The following PARD3 variants were observed in gnomAD, a reference collection of about 807,000 sequenced individuals.
PARD3 encodes the protein par-3 family cell polarity regulator.
PARD3 carries 75 observed loss-of-function variants against 155.4 expected under a neutral mutation model. The ratio of observed to expected loss-of-function variants is 0.48; its 90% CI spans 0.40 to 0.58. The LOEUF (loss-of-function observed/expected upper bound fraction) is 0.58. Among genes scored for constraint, PARD3 ranks in the 20% least tolerant of loss-of-function variants. The pLI is 0.00. For synonymous variants in PARD3, 576 were observed against 610.5 expected, an observed-to-expected ratio of 0.94 and a Z score of 0.83; for missense variants, 1,642 against 1,721.7, an observed-to-expected ratio of 0.95 and a Z score of 0.82.
At chr10:34,250,549 T>C (rs1408053547) in intron 22 of PARD3, among the ~76,000 whole-genome samples, 5 of 151,958 alleles carry the variant, frequency 3.3e-5, no homozygotes, top group African/African-American at 1.2e-4. Context: ...TTTTAGGAGA[T>C]ATGTATGTAG....
In PARD3 at chr10:34,317,206, T is replaced by C. The variant is rs1958062710; in HGVS notation, c.2966A>G (p.Lys989Arg). 1 of 1,613,504 alleles carries C rather than the reference T, an allele frequency of 6.2e-7. No homozygotes were observed. The highest frequency in any genetic ancestry group is 1.1e-5 in the South Asian group (1 of 91,002). Residue 989 changes from lysine (K) to arginine (R), a missense_variant, in exon 20 of 25, where the codon AAG becomes AGG. By Grantham distance (26) the Lys-to-Arg change is conservative. This residue lies in a region of PARD3 where 1,529 missense variants were observed against 1,587.3 expected (regional missense o/e 0.96). Coordinates refer to ENST00000374788, the MANE Select transcript of PARD3 (RefSeq NM_001184785.2). ...QEKGDKTDRK[K>R]DKTGKEKKKD... is the part of the protein sequence containing the mutation. ...CTTCTTTTCTTTTCCAGTTTTATCCTTTTTTCTATCAGTCTTATCACCTTT... is the reference window on the plus strand; with the variant it reads ...CTTCTTTTCTTTTCCAGTTTTATCCCTTTTTCTATCAGTCTTATCACCTTT...
intron 2 of PARD3, among the ~76,000 whole-genome samples, chr10:34,571,594 T>G (rs975298697): frequency 2.6e-5 from 4 of 152,252 alleles, no homozygotes; most frequent in African/African-American, 9.6e-5. Flanking sequence ...CTAGCAATAA[T>G]TCTAAATGTA....
chr10:34,491,027 C>G (rs1174645184), intron 3 of PARD3, among the ~76,000 whole-genome samples: 1 of 152,136 alleles, frequency 6.6e-6, no homozygotes, highest in Non-Finnish European at 1.5e-5. Flanking sequence ...CCCTAAGGGA[C>G]CTCATGAAAA....
At position 34,567,520 on chromosome 10, in the gene PARD3, C is replaced by A. The variant is rs990074959; in HGVS notation, c.223-50361G>T. ...AAGTTGAGTCCTTTGGCGGCATTTTCTTTTTACACAGGTTTGACTTAGCAT... is the reference window on the plus strand; with the variant it reads ...AAGTTGAGTCCTTTGGCGGCATTTTATTTTTACACAGGTTTGACTTAGCAT... On this transcript the variant is annotated intron_variant, in intron 2 of 24. Transcript: ENST00000374788. 2.0e-5 allele frequency among the ~76,000 whole-genome samples: 3 copies of A among 152,138 alleles called. No individual in the cohort carries two copies. In the South Asian group the frequency reaches 6.2e-4, roughly 32 times the overall value.
chr10:34,314,386 A>G (rs1296061874), intron 20 of PARD3, among the ~76,000 whole-genome samples: 2 of 152,208 alleles, frequency 1.3e-5, no homozygotes, highest in Non-Finnish European at 2.9e-5. Context: ...CCAACATTCA[A>G]TAACAAAAAA....
Position 34,450,369 on chromosome 10 carries a change from G to C in PARD3, c.662C>G (p.Ser221Cys). 1 of 1,614,026 alleles carries C rather than the reference G, an allele frequency of 6.2e-7. No individual in the cohort carries two copies. Among genetic ancestry groups the C allele is most frequent in the Non-Finnish European group, 8.5e-7 (1 of 1,179,916 alleles). ...CACCATTGGGTGACTGGCACTCAGAGACGAGCGAGCATTGTCTCTCTGAAA... is the reference window on the plus strand; with the variant it reads ...CACCATTGGGTGACTGGCACTCAGACACGAGCGAGCATTGTCTCTCTGAAA... ...NQFQRDNARS[S>C]LSASHPMVGK... is the part of the protein sequence containing the mutation. The change falls in exon 5 of 25, where the codon TCT becomes TGT. Residue 221 changes from serine (S) to cysteine (C), a missense_variant. Physicochemically the swap from Ser to Cys is moderately radical, Grantham distance 112. Around this residue, in one of 3 missense-constraint regions of PARD3, gnomAD observed 1,529 missense variants for 1,587.3 expected, o/e 0.96. Transcript: ENST00000374788.
chr10:34,480,537 C>T (rs975210641), intron 3 of PARD3, among the ~76,000 whole-genome samples: 2 of 152,168 alleles, frequency 1.3e-5, no homozygotes, highest in African/African-American at 2.4e-5. Flanking sequence ...CCTCGCCCAA[C>T]CTGTTTCTAC....
intron 22 of PARD3, among the ~76,000 whole-genome samples, chr10:34,252,265 T>C (rs1289523741): frequency 6.6e-6 from 1 of 152,168 alleles, no homozygotes; most frequent in Non-Finnish European, 1.5e-5. Context: ...CTGAGGTCCC[T>C]ACAGGTGTGT....
intron 20 of PARD3, among the ~76,000 whole-genome samples, chr10:34,287,971 G>A (rs1956481214): frequency 6.6e-6 from 1 of 152,192 alleles, no homozygotes; most frequent in Admixed American, 6.5e-5. Context: ...AGCATTTTGG[G>A]AGGTCGCCGT....
chr10:34,221,527 G>A (rs549287720), intron 22 of PARD3, among the ~76,000 whole-genome samples: 1 of 151,810 alleles, frequency 6.6e-6, no homozygotes, highest in Admixed American at 6.6e-5. Context: ...TTTTTGTGGT[G>A]AGAATACTTA....
chr10:34,213,426 C>T lies in PARD3; in HGVS notation c.3419+56231G>A, dbSNP rs927964143. ...ACCATGCCCCACCTCCCAACACCAC[C>T]ACATTGGGGGTCAAACGTCAATATG... On this transcript the variant is annotated intron_variant, in intron 22 of 24. Coordinates refer to ENST00000374788, the MANE Select transcript of PARD3 (RefSeq NM_001184785.2). 3.3e-5 allele frequency among the ~76,000 whole-genome samples: 5 copies of T among 152,244 alleles called. No homozygotes were observed. In the South Asian group the frequency reaches 8.3e-4, roughly 25 times the overall value.
At chr10:34,202,111 T>A (rs71487351) in intron 22 of PARD3, 4,188 of 152,382 alleles carry the variant, frequency 0.027, 89 homozygotes, top group Non-Finnish European at 0.041. Flanking sequence ...TCTCTCTTTG[T>A]TGCTCAGGCA....
chr10:34,335,804 C>A (rs1836115775), intron 18 of PARD3, among the ~76,000 whole-genome samples: 1 of 152,064 alleles, frequency 6.6e-6, no homozygotes, highest in African/African-American at 2.4e-5. Flanking sequence ...AAATCAAAAT[C>A]ACCACTCTGA....
intron 24 of PARD3, among the ~76,000 whole-genome samples, chr10:34,115,223 G>A (rs1453297298): frequency 1.3e-5 from 2 of 152,128 alleles, no homozygotes; most frequent in Admixed American, 6.5e-5. Context: ...GAGACACAGC[G>A]TGGAGGGTGA....
At chr10:34,636,060 A>T (rs1385924425) in intron 2 of PARD3, among the ~76,000 whole-genome samples, 1 of 152,004 alleles carries the variant, frequency 6.6e-6, no homozygotes, top group Non-Finnish European at 1.5e-5. Context: ...AGAAGAAAGG[A>T]AGGAAGAAGG....
chr10:34,545,199 A>C (rs1173333025), intron 2 of PARD3, among the ~76,000 whole-genome samples: 1 of 152,180 alleles, frequency 6.6e-6, no homozygotes, highest in Non-Finnish European at 1.5e-5. Flanking sequence ...AACCCACCTT[A>C]CCTGATCTTT....
chr10:34,412,762 A>G (rs1308740882), intron 5 of PARD3, among the ~76,000 whole-genome samples: 2 of 152,152 alleles, frequency 1.3e-5, no homozygotes, highest in Non-Finnish European at 2.9e-5. Flanking sequence ...TGATTTGCAA[A>G]TGGACTAAAA....
chr10:34,131,453 A>G lies in PARD3; in HGVS notation c.3540+10T>C. On this transcript the variant is annotated intron_variant, in intron 23 of 24. Transcript: ENST00000374788. ...GGACCATTCACCGTGCTGAAGAACCAATTACTTACCCAGGGTTGCTCAAAA... is the reference window on the plus strand; with the variant it reads ...GGACCATTCACCGTGCTGAAGAACCGATTACTTACCCAGGGTTGCTCAAAA... The G allele has an allele frequency of 6.2e-7, 1 of 1,613,924 alleles. No individual in the cohort carries two copies. Among genetic ancestry groups the G allele is most frequent in the Non-Finnish European group, 8.5e-7 (1 of 1,179,868 alleles).
chr10:34,598,680 C>T (rs2089504837), intron 2 of PARD3, among the ~76,000 whole-genome samples: 2 of 152,136 alleles, frequency 1.3e-5, no homozygotes, highest in African/African-American at 4.8e-5. Flanking sequence ...TTACCAAATA[C>T]ATTTGAAAAC....
Sources: gnomAD v4.1 joint callset for allele counts (sites outside exome capture counted in the v4.1 genomes callset) on GRCh38, gnomAD v4.1.1 for gene constraint, gnomAD v4.1.1 regional missense constraint, MANE v1.5 for transcripts, NCBI Gene and HGNC (gene_info 2026-07-23, HGNC 2026-07-21) for gene names.